The following TMEM74 variants were observed in gnomAD, a reference collection of about 807,000 sequenced individuals.
TMEM74 encodes transmembrane protein 74.
A neutral mutation model predicts 18.1 loss-of-function variants in TMEM74; 13 were observed. That is an observed-to-expected ratio of 0.72 (90% CI 0.47 to 1.14). The LOEUF (loss-of-function observed/expected upper bound fraction) is 1.14, where lower values mean the gene tolerates loss of function less well. Ranked by LOEUF, TMEM74 falls within the 50% of genes most tolerant of loss-of-function variation. The probability of loss-of-function intolerance (pLI) is 0.00; values close to 1 mark genes in which losing one functional copy is unlikely to be tolerated. For synonymous variants in TMEM74, 159 were observed against 146.6 expected (o/e 1.08, Z -0.61); for missense variants, 372 against 375.9 (o/e 0.99, Z 0.09).
intron 1 of TMEM74, among the ~76,000 whole-genome samples, chr8:108,726,391 G>A (rs542249583): frequency 2.6e-5 from 4 of 152,178 alleles, no homozygotes; most frequent in South Asian, 2.1e-4. Context: ...CACTAACAAC[G>A]CCCTACAAGC....
At chr8:108,678,977 T>A (rs1813085128) in intron 1 of TMEM74, among the ~76,000 whole-genome samples, 1 of 143,010 alleles carries the variant, frequency 7.0e-6, no homozygotes, top group African/African-American at 2.6e-5. Flanking sequence ...AATTCCCACC[T>A]ATGAGTGAGA....
intron 1 of TMEM74, among the ~76,000 whole-genome samples, chr8:108,711,936 T>C (rs1201183348): frequency 6.6e-6 from 1 of 152,160 alleles, no homozygotes; most frequent in Non-Finnish European, 1.5e-5. Flanking sequence ...TATCTATATC[T>C]ATAGATATAG....
chr8:108,728,540 C>G (rs1208267075), intron 1 of TMEM74, among the ~76,000 whole-genome samples: 1 of 152,100 alleles, frequency 6.6e-6, no homozygotes, highest in African/African-American at 2.4e-5. Flanking sequence ...TACTAATATA[C>G]CCTGTGGAAC....
At chr8:108,613,997 A>G (rs777260203) in intron 2 of TMEM74, among the ~76,000 whole-genome samples, 5 of 149,134 alleles carry the variant, frequency 3.4e-5, no homozygotes, top group African/African-American at 9.9e-5. Context: ...ATAATACTCA[A>G]TTTTTGAGAA....
Position 108,784,157 on chromosome 8 carries a change from C to T in TMEM74, c.*24G>A. 4.6e-6 allele frequency: 7 copies of T among 1,518,336 alleles called. No individual in the cohort carries two copies. Among genetic ancestry groups the T allele is most frequent in the Non-Finnish European group, 6.2e-6 (7 of 1,125,864 alleles). The allele number at this position is 1,518,336 out of a possible 1,614,324, so 94.1% of individuals were successfully genotyped here. ...TCATATTATAAAATGCCAAGGCAGA[C>T]TCTCAAGATATTCACAACCAGAATT... is the stretch of plus-strand genomic sequence containing the variant. On this transcript the variant is annotated 3_prime_UTR_variant, in exon 2 of 2. Transcript: ENST00000297459.
In TMEM74 at chr8:108,713,796, T is replaced by G. The variant is rs151262822; in HGVS notation, n.120-58359A>C. On this transcript the variant is annotated intron_variant and non_coding_transcript_variant, in intron 1 of 3. Transcript: ENST00000518838. ...GTTGCAGGACAAGCCATCTGCAAGC[T>G]GGAGACCCTGCAATGCTGAAAACAT... Among the ~76,000 whole-genome samples, 886 of 152,298 alleles carry G rather than the reference T, an allele frequency of 5.8e-3. 6 individuals are homozygous for G. Among genetic ancestry groups the G allele is most frequent in the Non-Finnish European group, 8.2e-3 (555 of 68,030 alleles).
chr8:108,751,322 T>C (rs1021422325), intron 1 of TMEM74, among the ~76,000 whole-genome samples: 14 of 152,136 alleles, frequency 9.2e-5, no homozygotes, highest in African/African-American at 2.7e-4. Context: ...GACCATATTA[T>C]ACATTGTGCA....
At position 108,620,209 on chromosome 8, in the gene TMEM74, TCTTTA is replaced by T. The variant is rs576287991; in HGVS notation, n.265-11388_265-11384del. Among the ~76,000 whole-genome samples the T allele has an allele frequency of 2.4e-4, 36 of 152,304 alleles. No homozygotes were observed. The South Asian group carries it at 6.2e-3, about 26-fold the overall frequency. On this transcript the variant is annotated intron_variant and non_coding_transcript_variant, in intron 2 of 3. Coordinates refer to the TMEM74 transcript ENST00000518838. ...ATTTTCATCTACATTTTCTCTGAGT[TCTTTA>T]CTTTACCTTAGTTAACTTGAAGAAT... is the stretch of plus-strand genomic sequence containing the variant.
Position 108,784,900 on chromosome 8 carries a change from G to T in TMEM74, c.199C>A (p.Pro67Thr), listed in dbSNP as rs755181647. The change falls in exon 2 of 2, where the codon CCC becomes ACC. Residue 67 changes from proline to threonine, a missense_variant. By Grantham distance (38) the Pro-to-Thr change is conservative. Coordinates refer to ENST00000297459, the MANE Select transcript of TMEM74 (RefSeq NM_153015.3). ...GTACTGTTTTGCAGAGAGGAGGAGG[G>T]GGATGCTGGAGAAGAACTAAGTTTA... ...GSKLSSSPAS[P>T]SSSLQNSTLQ... The T allele has an allele frequency of 3.1e-6, 5 of 1,614,066 alleles. No homozygotes were observed. The highest frequency in any genetic ancestry group is 4.2e-6 in the Non-Finnish European group (5 of 1,180,044).
chr8:108,614,803 G>A (rs535118673), intron 2 of TMEM74, among the ~76,000 whole-genome samples: 2 of 152,206 alleles, frequency 1.3e-5, no homozygotes, highest in East Asian at 1.9e-4. Flanking sequence ...ATTCATAGAA[G>A]AGCCTGAATA....
chr8:108,645,875 G>C (rs1418984108), intron 2 of TMEM74, among the ~76,000 whole-genome samples: 3 of 152,146 alleles, frequency 2.0e-5, no homozygotes, highest in Non-Finnish European at 2.9e-5. Context: ...CAACACAGCA[G>C]AAAGGGTTTC....
At chr8:108,617,448 T>C (rs1421340652) in intron 2 of TMEM74, among the ~76,000 whole-genome samples, 2 of 152,120 alleles carry the variant, frequency 1.3e-5, no homozygotes, top group African/African-American at 2.4e-5. Context: ...CTTTTGATTC[T>C]GGGGTGTAGG....
chr8:108,621,262 C>G (rs1238991056), intron 2 of TMEM74, among the ~76,000 whole-genome samples: 1 of 152,146 alleles, frequency 6.6e-6, no homozygotes, highest in Non-Finnish European at 1.5e-5. Flanking sequence ...TCACTAGACT[C>G]AATTCCACCG....
intron 1 of TMEM74, among the ~76,000 whole-genome samples, chr8:108,740,451 T>G (rs1182006216): frequency 6.6e-6 from 1 of 152,202 alleles, no homozygotes; most frequent in Non-Finnish European, 1.5e-5. Context: ...GCTGTACAAG[T>G]TCGTGAATAC....
At chr8:108,737,457 A>G (rs1404803285) in intron 1 of TMEM74, among the ~76,000 whole-genome samples, 1 of 152,188 alleles carries the variant, frequency 6.6e-6, no homozygotes, top group Non-Finnish European at 1.5e-5. Flanking sequence ...GATCTGGTTC[A>G]TGCATTATTT....
At chr8:108,690,631 C>T (rs989920175) in intron 1 of TMEM74, among the ~76,000 whole-genome samples, 6 of 151,724 alleles carry the variant, frequency 4.0e-5, no homozygotes, top group South Asian at 2.1e-4. Context: ...CTGGATAACA[C>T]GCTGAAACCC....
chr8:108,764,587 G>T (rs963375547), intron 1 of TMEM74, among the ~76,000 whole-genome samples: 7 of 152,092 alleles, frequency 4.6e-5, no homozygotes, highest in African/African-American at 1.4e-4. Flanking sequence ...GCACAAGTTG[G>T]TTTGAGACAA....
At chr8:108,627,304 A>C (rs758820306) in intron 2 of TMEM74, among the ~76,000 whole-genome samples, 4 of 152,036 alleles carry the variant, frequency 2.6e-5, no homozygotes, top group Admixed American at 2.6e-4. Flanking sequence ...TCCTGTGGGC[A>C]TCTATGCCAT....
intron 2 of TMEM74, among the ~76,000 whole-genome samples, chr8:108,620,840 GAGAA>G (rs1418191933): frequency 6.6e-6 from 1 of 152,046 alleles, no homozygotes; most frequent in Non-Finnish European, 1.5e-5. Context: ...TAAGAGTAAA[GAGAA>G]AGAAACTAGC....
Sources: allele counts gnomAD v4.1 joint callset (sites outside exome capture counted in the v4.1 genomes callset), GRCh38; gene constraint gnomAD v4.1.1; transcripts MANE v1.5; gene names NCBI Gene and HGNC (gene_info 2026-07-23, HGNC 2026-07-21).